Variants in AFG2A observed in about 807,000 individuals in gnomAD.
The protein encoded by AFG2A is ATPase family gene 2 protein homolog A.
chr4:123,057,216 G>A, the AFG2A span: 23 of 1,613,672 alleles, frequency 1.4e-5, no homozygotes, highest in Middle Eastern at 1.6e-4. Context: ...CAGACCTTCC[G>A]AAAAGCAAGA....
the AFG2A span, among the ~76,000 whole-genome samples, chr4:123,204,847 C>A: frequency 6.6e-6 from 1 of 152,274 alleles, no homozygotes; most frequent in East Asian, 1.9e-4. Flanking sequence ...TGGCTCTTCC[C>A]AGTTTGCAAG....
At chr4:123,243,621 T>A in the AFG2A span, among the ~76,000 whole-genome samples, 1 of 151,930 alleles carries the variant, frequency 6.6e-6, no homozygotes, top group African/African-American at 2.4e-5. Context: ...GGGGGAGGGA[T>A]AGCATTAGGA....
At chr4:123,053,938 T>G in the AFG2A span, among the ~76,000 whole-genome samples, 1 of 152,136 alleles carries the variant, frequency 6.6e-6, no homozygotes, top group Admixed American at 6.5e-5. Flanking sequence ...ATGAGATTTG[T>G]GTGAATCTCC....
At chr4:122,996,729 G>C in the AFG2A span, among the ~76,000 whole-genome samples, 1 of 152,068 alleles carries the variant, frequency 6.6e-6, no homozygotes, top group Non-Finnish European at 1.5e-5. Context: ...GTAGAAGGTA[G>C]TGTGACTCAG....
chr4:123,056,794 G>A, the AFG2A span, among the ~76,000 whole-genome samples: 1 of 152,276 alleles, frequency 6.6e-6, no homozygotes, highest in Non-Finnish European at 1.5e-5. Flanking sequence ...AATGCTTTGT[G>A]TTCTTTTTAA....
the AFG2A span, among the ~76,000 whole-genome samples, chr4:123,058,909 C>G: frequency 6.6e-6 from 1 of 152,144 alleles, no homozygotes; most frequent in Non-Finnish European, 1.5e-5. Flanking sequence ...AGCATTAACT[C>G]AAAAGTCCAC....
chr4:123,052,233 T>C, the AFG2A span, among the ~76,000 whole-genome samples: 2 of 152,108 alleles, frequency 1.3e-5, 1 homozygote, highest in South Asian at 4.1e-4. Flanking sequence ...GCTGTTGATA[T>C]TCTCTATTCC....
chr4:122,929,273 C>CT, the AFG2A span: 1 of 1,426,872 alleles, frequency 7.0e-7, no homozygotes, highest in Non-Finnish European at 9.2e-7. Flanking sequence ...ATGTAAACCA[C>CT]ATATGTAATT....
chr4:123,096,131 G>A, the AFG2A span, among the ~76,000 whole-genome samples: 4 of 152,040 alleles, frequency 2.6e-5, no homozygotes, highest in Admixed American at 1.3e-4. Flanking sequence ...TAGCACACTA[G>A]GCTGGTGAAA....
chr4:123,243,362 G>A, the AFG2A span, among the ~76,000 whole-genome samples: 1 of 152,142 alleles, frequency 6.6e-6, no homozygotes, highest in African/African-American at 2.4e-5. Context: ...TTCCATCAGT[G>A]ATAGACTAGA....
the AFG2A span, among the ~76,000 whole-genome samples, chr4:123,115,360 C>G: frequency 2.6e-5 from 4 of 152,026 alleles, no homozygotes; most frequent in African/African-American, 9.7e-5. Context: ...CCGGGCTGAG[C>G]CTCCAGCTGA....
chr4:123,073,198 T>C, the AFG2A span, among the ~76,000 whole-genome samples: 1 of 151,856 alleles, frequency 6.6e-6, no homozygotes, highest in African/African-American at 2.4e-5. Flanking sequence ...AAAAAAAATA[T>C]GGTTACCTTC....
the AFG2A span, among the ~76,000 whole-genome samples, chr4:123,265,961 G>C: frequency 6.6e-6 from 1 of 151,974 alleles, no homozygotes; most frequent in Admixed American, 6.6e-5. Context: ...ATCTTCAGAA[G>C]AGTGATAAAA....
At chr4:123,078,372 G>A in the AFG2A span, among the ~76,000 whole-genome samples, 3 of 152,158 alleles carry the variant, frequency 2.0e-5, no homozygotes, top group Non-Finnish European at 4.4e-5. Flanking sequence ...GTACATATGA[G>A]GTGTGTAGTA....
At chr4:122,923,938 A>C in the AFG2A span, among the ~76,000 whole-genome samples, 1 of 152,224 alleles carries the variant, frequency 6.6e-6, no homozygotes, top group African/African-American at 2.4e-5. Flanking sequence ...TTGACTTAAA[A>C]GCCATTCCTA....
chr4:123,024,384 C>T, the AFG2A span, among the ~76,000 whole-genome samples: 1 of 151,996 alleles, frequency 6.6e-6, no homozygotes, highest in Admixed American at 6.6e-5. Context: ...AAAGTACAGG[C>T]AGTAAAAGAC....
chr4:123,227,751 A>G, the AFG2A span, among the ~76,000 whole-genome samples: 1 of 152,110 alleles, frequency 6.6e-6, no homozygotes, highest in Non-Finnish European at 1.5e-5. Flanking sequence ...GCTGAGTTCA[A>G]TTCCTGGGTA....
At chr4:123,273,939 G>A in the AFG2A span, among the ~76,000 whole-genome samples, 1 of 152,040 alleles carries the variant, frequency 6.6e-6, no homozygotes, top group Non-Finnish European at 1.5e-5. Context: ...TTAGTCTTCT[G>A]GCTTTATATG....
At chr4:122,970,118 A>C in the AFG2A span, among the ~76,000 whole-genome samples, 1 of 152,210 alleles carries the variant, frequency 6.6e-6, no homozygotes, top group Non-Finnish European at 1.5e-5. Context: ...TGCTCAGCAC[A>C]TACTCACTGA....
Sources: gnomAD v4.1 joint callset for allele counts (sites outside exome capture counted in the v4.1 genomes callset) on GRCh38, gnomAD v4.1.1 for gene constraint, MANE v1.5 for transcripts, NCBI Gene and HGNC (gene_info 2026-07-23, HGNC 2026-07-21) for gene names.